The following SDK1 variants were observed in gnomAD, a reference collection of about 807,000 sequenced individuals.
SDK1 encodes the protein protein sidekick-1.
A neutral mutation model predicts 245.5 loss-of-function variants in SDK1; 157 were observed. The ratio of observed to expected loss-of-function variants is 0.64; its 90% CI spans 0.56 to 0.73. The LOEUF (loss-of-function observed/expected upper bound fraction) is 0.73, where lower values mean the gene tolerates loss of function less well. Ranked by LOEUF, SDK1 falls within the 30% of genes least tolerant of loss-of-function variation. The probability of loss-of-function intolerance (pLI) is 0.00; values close to 1 mark genes in which losing one functional copy is unlikely to be tolerated. For missense variants in SDK1, 3,583 were observed against 3,002.3 expected (o/e 1.19, Z -4.52); for synonymous variants, 1,647 against 1,278.5 (o/e 1.29, Z -6.15).
intron 8 of SDK1, 81 bp downstream of exon 8, chr7:3,959,095 C>T (rs1781477517): frequency 9.4e-7 from 1 of 1,063,264 alleles, no homozygotes; most frequent in Non-Finnish European, 1.5e-6. Context: ...GAATTGCCAT[C>T]ATTCTAGGGA....
intron 1 of SDK1, among the ~76,000 whole-genome samples, chr7:3,371,464 A>G (rs1403924417): frequency 1.3e-5 from 2 of 152,188 alleles, no homozygotes; most frequent in Non-Finnish European, 2.9e-5. Context: ...TTAAAAAAAG[A>G]AACATGACTT....
At chr7:4,001,011 T>G (rs552124284) in intron 14 of SDK1, among the ~76,000 whole-genome samples, 1 of 152,110 alleles carries the variant, frequency 6.6e-6, no homozygotes, top group Non-Finnish European at 1.5e-5. Flanking sequence ...CAAGACGAGA[T>G]GGGGGTCAGA....
At chr7:4,096,074 G>A (rs557694496) in intron 22 of SDK1, among the ~76,000 whole-genome samples, 5 of 152,326 alleles carry the variant, frequency 3.3e-5, no homozygotes, top group East Asian at 1.9e-4. Flanking sequence ...GCTGTAAAGC[G>A]TCCACTTTCC....
chr7:3,528,433 A>T (rs1160993477), intron 1 of SDK1, among the ~76,000 whole-genome samples: 1 of 151,906 alleles, frequency 6.6e-6, no homozygotes, highest in Non-Finnish European at 1.5e-5. Context: ...CAGGATCCTA[A>T]GGTGTGAGAA....
intron 14 of SDK1, among the ~76,000 whole-genome samples, chr7:3,987,794 C>T (rs1013802860): frequency 2.0e-5 from 3 of 152,148 alleles, no homozygotes; most frequent in African/African-American, 7.2e-5. Flanking sequence ...CCTTGGAACT[C>T]TTCTACATGA....
chr7:4,218,877 G>A (rs1256247349), intron 38 of SDK1, among the ~76,000 whole-genome samples: 4 of 151,806 alleles, frequency 2.6e-5, no homozygotes, highest in Non-Finnish European at 5.9e-5. Context: ...CAGCAGTTGA[G>A]AACTTATCTA....
chr7:3,936,645 C>A (rs1470006967), intron 5 of SDK1, among the ~76,000 whole-genome samples: 1 of 152,070 alleles, frequency 6.6e-6, no homozygotes, highest in African/African-American at 2.4e-5. Flanking sequence ...GCTTGAGCGT[C>A]CTTAACGCCA....
At chr7:3,805,587 C>T (rs1438817050) in intron 4 of SDK1, among the ~76,000 whole-genome samples, 1 of 152,166 alleles carries the variant, frequency 6.6e-6, no homozygotes, top group Non-Finnish European at 1.5e-5. Flanking sequence ...CATAGCAGTT[C>T]CCCCAGTGGA....
chr7:3,658,094 A>G (rs745901613), intron 4 of SDK1, among the ~76,000 whole-genome samples: 6 of 152,148 alleles, frequency 3.9e-5, no homozygotes, highest in Non-Finnish European at 8.8e-5. Context: ...CTTCATCTGT[A>G]GAGTGCAGGT....
At chr7:3,726,700 A>G (rs540124183) in intron 4 of SDK1, among the ~76,000 whole-genome samples, 4 of 152,222 alleles carry the variant, frequency 2.6e-5, no homozygotes, top group Admixed American at 6.5e-5. Flanking sequence ...GTGTTCTCTC[A>G]TATAATCGGG....
rs372778336 is a variant in SDK1, at chr7:3,672,343, A to C, written c.713+30238A>C. On this transcript the variant is annotated intron_variant, in intron 4 of 44. Transcript: ENST00000404826. ...GCTCATCTACCCTACTGCACCCCCA[A>C]GTTCTTGAAGTGTCTCTCTGTTTCT... 7.2e-5 allele frequency among the ~76,000 whole-genome samples: 11 copies of C among 152,016 alleles called. No homozygotes were observed. In the East Asian group the frequency reaches 1.5e-3, roughly 21 times the overall value.
At chr7:3,855,032 C>G (rs565117436) in intron 5 of SDK1, among the ~76,000 whole-genome samples, 3 of 152,210 alleles carry the variant, frequency 2.0e-5, no homozygotes, top group African/African-American at 7.2e-5. Context: ...CCTGCTGTGG[C>G]CACAGATTTG....
At position 4,268,119 on chromosome 7, in the gene SDK1, C is replaced by A. The variant is rs141238849; in HGVS notation, c.*2735C>A. On this transcript the variant is annotated 3_prime_UTR_variant, in exon 45 of 45. Transcript: ENST00000404826. ...GGAATGTGCTCCCGCTCTCTCCTGC[C>A]GTGCTGAAAGTCATGCCTTGCGGAT... 127 of 985,878 alleles carry A rather than the reference C, an allele frequency of 1.3e-4. No homozygotes were observed. In the African/African-American group the frequency reaches 2.2e-3, roughly 17 times the overall value. The allele number at this position is 985,878 out of a possible 1,614,324, so 61.1% of individuals were successfully genotyped here. A position where few individuals can be genotyped will look rare whatever the true frequency, so the allele number is the denominator to read the frequency against.
intron 1 of SDK1, among the ~76,000 whole-genome samples, chr7:3,318,094 C>G (rs1008879046): frequency 3.3e-5 from 5 of 152,226 alleles, no homozygotes; most frequent in African/African-American, 1.2e-4. Flanking sequence ...TCCTTGCAAC[C>G]CTTTGACATT....
At chr7:3,345,314 T>C (rs553277565) in intron 1 of SDK1, among the ~76,000 whole-genome samples, 6 of 152,292 alleles carry the variant, frequency 3.9e-5, no homozygotes, top group East Asian at 3.9e-4. Context: ...AAAAAAGATA[T>C]TGGGACATGA....
At position 4,039,295 on chromosome 7, in the gene SDK1, A is replaced by T. The variant is rs1280443387; in HGVS notation, c.2603-10053A>T. 2.1e-5 allele frequency among the ~76,000 whole-genome samples: 3 copies of T among 146,098 alleles called. No homozygotes were observed. In the East Asian group the frequency reaches 5.8e-4, roughly 28 times the overall value. On this transcript the variant is annotated intron_variant, in intron 17 of 44. Transcript: ENST00000404826. ...TGTGCACATGTACCGGAAAACTTAA[A>T]GTATAATAAAAAAAAAAGTTTCTTA...
At chr7:4,244,307 T>C (rs1289983334) in intron 43 of SDK1, among the ~76,000 whole-genome samples, 1 of 152,214 alleles carries the variant, frequency 6.6e-6, no homozygotes, top group African/African-American at 2.4e-5. Flanking sequence ...GAGGGCTTGC[T>C]GGGTTGCTGG....
intron 1 of SDK1, among the ~76,000 whole-genome samples, chr7:3,320,287 T>TTC (rs1554257153): frequency 0.26 from 38,639 of 151,224 alleles, 5,085 homozygotes; most frequent in East Asian, 0.34. Context: ...TCTATTTTTT[T>TTC]CCCCCTATCT....
At chr7:4,213,223 C>G (rs532105884) in intron 38 of SDK1, among the ~76,000 whole-genome samples, 50 of 152,178 alleles carry the variant, frequency 3.3e-4, no homozygotes, top group Non-Finnish European at 5.7e-4. Flanking sequence ...ACCAGCCTGG[C>G]CAAGATGGTG....
Sources: gnomAD v4.1 joint callset for allele counts (sites outside exome capture counted in the v4.1 genomes callset) on GRCh38, gnomAD v4.1.1 for gene constraint, MANE v1.5 for transcripts, NCBI Gene and HGNC (gene_info 2026-07-23, HGNC 2026-07-21) for gene names.